The following INO80B variants were observed in gnomAD, a reference collection of about 807,000 sequenced individuals.
The protein encoded by INO80B is INO80 complex subunit B, also known as IES2 homolog.
INO80B carries 18 observed loss-of-function variants against 31.4 expected under a neutral mutation model. That is an observed-to-expected ratio of 0.57 (90% CI 0.40 to 0.85). The LOEUF is 0.85. Ranked by LOEUF, INO80B falls within the 40% of genes least tolerant of loss-of-function variation. The pLI, the probability that INO80B is intolerant of heterozygous loss-of-function variation, is 0.00. For missense variants in INO80B, 469 were observed against 475.4 expected, an observed-to-expected ratio of 0.99 and a Z score of 0.13; for synonymous variants, 238 against 199.0, an observed-to-expected ratio of 1.20 and a Z score of -1.65.
intron 1 of INO80B, 60 bp downstream of exon 1, chr2:74,455,234 C>A: frequency 6.3e-7 from 1 of 1,590,544 alleles, no homozygotes; most frequent in South Asian, 1.1e-5. Flanking sequence ...CGTTCTTGCT[C>A]CTCGGAGAGT....
Position 74,456,275 on chromosome 2 carries a change from A to T in INO80B, c.540+3A>T, listed in dbSNP as rs753932906. ...AGCGGCTGCTTACTGCTCGACAGGT[A>T]TGTTGGTTCATTGTTTATTCACTCA... On this transcript the variant is annotated splice_donor_region_variant and intron_variant, in intron 4 of 4. Coordinates refer to ENST00000233331, the MANE Select transcript of INO80B (RefSeq NM_031288.4). 6.2e-7 allele frequency: 1 copy of T among 1,614,004 alleles called. No individual in the cohort carries two copies. Among genetic ancestry groups the T allele is most frequent in the Non-Finnish European group, 8.5e-7 (1 of 1,179,968 alleles).
At position 74,456,135 on chromosome 2, in the gene INO80B, C is replaced by T. The variant is rs974808928; in HGVS notation, c.403C>T (p.Arg135Trp). ...EDSNLSPSPL[R>W]DLSGGLGGQE... Reference sequence around the variant, plus strand: ...CAGTAATCTCTCTCCCTCTCCACTTCGGGACCTATCAGGAGGGTTAGGGGG... The same window carrying T: ...CAGTAATCTCTCTCCCTCTCCACTTTGGGACCTATCAGGAGGGTTAGGGGG... The change falls in exon 4 of 5, where the codon CGG becomes TGG. Residue 135 changes from arginine (R) to tryptophan (W), a missense_variant. Arg to Trp is a moderately radical substitution (Grantham distance 101). Around this residue, in one of 3 missense-constraint regions of INO80B, gnomAD observed 223 missense variants for 253.4 expected, o/e 0.88. Coordinates refer to ENST00000233331, the MANE Select transcript of INO80B (RefSeq NM_031288.4). 10 of 1,606,342 alleles carry T rather than the reference C, an allele frequency of 6.2e-6. No homozygotes were observed. Among genetic ancestry groups the T allele is most frequent in the Admixed American group, 1.7e-5 (1 of 58,936 alleles).
Position 74,457,414 on chromosome 2 carries a change from C to T in INO80B, c.621C>T (p.Ala207=), listed in dbSNP as rs1671733342. 6.2e-7 allele frequency: 1 copy of T among 1,602,676 alleles called. No homozygotes were observed. Among genetic ancestry groups the T allele is most frequent in the Non-Finnish European group, 8.5e-7 (1 of 1,175,156 alleles). The change falls in exon 5 of 5, where the codon GCC becomes GCT. Residue 207 remains alanine, a synonymous_variant. Coordinates refer to ENST00000233331, the MANE Select transcript of INO80B (RefSeq NM_031288.4). Reference sequence around the variant, plus strand: ...TAGCTGAGGGCTGCCCACCTCCCGCCCTCACAGAGGAGATGCTGCTGAAGC... The same window carrying T: ...TAGCTGAGGGCTGCCCACCTCCCGCTCTCACAGAGGAGATGCTGCTGAAGC... ...LPVAEGCPPP[A]LTEEMLLKRE...
At position 74,455,111 on chromosome 2, in the gene INO80B, G is replaced by T; in HGVS notation, c.-6G>T. On this transcript the variant is annotated 5_prime_UTR_variant, in exon 1 of 5. Transcript: ENST00000233331. ...CATTTCTAGTCCCCTTTCCTCGCAG[G>T]ACCTCATGAGTAAGCTGTGGCGGCG... The T allele has an allele frequency of 6.2e-7, 1 of 1,614,176 alleles. No homozygotes were observed. Among genetic ancestry groups the T allele is most frequent in the Non-Finnish European group, 8.5e-7 (1 of 1,180,010 alleles).
intron 3 of INO80B, 81 bp from the exon 4 acceptor site, chr2:74,456,022 C>T (rs866286710): frequency 6.4e-7 from 1 of 1,554,164 alleles, no homozygotes; most frequent in Non-Finnish European, 8.9e-7. Flanking sequence ...TTAGGATTTT[C>T]CATGTCCCAG....
rs142472722 is a variant in INO80B at position 74,455,521 on chromosome 2, G to A, written c.174G>A (p.Gly58=). Residue 58 remains glycine, a synonymous_variant, in exon 2 of 5, where the codon GGG becomes GGA. Transcript: ENST00000233331. ...KKKHHQEEDA[G]PTQPSPAKPQ... The stretch of plus-strand genomic sequence containing the variant: ...AACACCATCAGGAAGAAGACGCCGG[G>A]CCCACGCAGCCGTCCCCTGCCAAGC... The A allele has an allele frequency of 4.3e-5, 69 of 1,614,028 alleles. No individual in the cohort carries two copies. Among genetic ancestry groups the A allele is most frequent in the South Asian group, 8.8e-5 (8 of 91,094 alleles).
At chr2:74,457,121 CAGG>C (rs1671725274) in intron 4 of INO80B, among the ~76,000 whole-genome samples, 2 of 152,172 alleles carry the variant, frequency 1.3e-5, no homozygotes, top group Admixed American at 6.5e-5. Flanking sequence ...AGCTAAATGT[CAGG>C]AGATCTGGGA....
At chr2:74,455,643 C>T (rs1572913060) in intron 2 of INO80B, 45 bp downstream of exon 2, 3 of 1,556,138 alleles carry the variant, frequency 1.9e-6, no homozygotes, top group Non-Finnish European at 1.7e-6. Flanking sequence ...ACTTTAGGAG[C>T]AGAGATAGTA....
Position 74,456,145 on chromosome 2 carries a change from C to A in INO80B, c.413C>A (p.Ser138Ter). ...TCTCCCTCTCCACTTCGGGACCTATCAGGAGGGTTAGGGGGTCAGGAGGAA... is the reference window on the plus strand; with the variant it reads ...TCTCCCTCTCCACTTCGGGACCTATAAGGAGGGTTAGGGGGTCAGGAGGAA... ...NLSPSPLRDL[S>*]GGLGGQEEEE... Residue 138 changes from serine to a stop codon, truncating the protein, a stop_gained, in exon 4 of 5, where the codon TCA (serine) becomes TAA (stop). Coordinates refer to ENST00000233331, the MANE Select transcript of INO80B (RefSeq NM_031288.4). LOFTEE classifies it high-confidence loss of function. The A allele has an allele frequency of 6.2e-7, 1 of 1,610,326 alleles. No homozygotes were observed. Among genetic ancestry groups the A allele is most frequent in the Non-Finnish European group, 8.5e-7 (1 of 1,178,124 alleles).
rs1671740466 is a variant in INO80B, at chr2:74,457,594, G to C, written c.801G>C (p.Ala267=). Residue 267 remains alanine (A), a synonymous_variant, in exon 5 of 5, where the codon GCG becomes GCC. Coordinates refer to ENST00000233331, the MANE Select transcript of INO80B (RefSeq NM_031288.4). ...GCGAGCGGCGGGGAGGGCGGGCTGC[G>C]GCTCCGGCCCCCATGGTGCGCTACT... The part of the protein sequence containing the change: ...ARGERRGGRA[A]APAPMVRYCS... 1.3e-6 allele frequency: 2 copies of C among 1,530,318 alleles called. No homozygotes were observed. Among genetic ancestry groups the C allele is most frequent in the Non-Finnish European group, 1.7e-6 (2 of 1,144,280 alleles). The allele number at this position is 1,530,318 out of a possible 1,614,324, so 94.8% of individuals were successfully genotyped here.
At chr2:74,457,236 C>A in intron 4 of INO80B, 98 bp from the exon 5 acceptor site, 1 of 1,301,212 alleles carries the variant, frequency 7.7e-7, no homozygotes, top group Non-Finnish European at 1.1e-6. Flanking sequence ...CAAGACCCTG[C>A]CTTCCATGTC....
At chr2:74,456,722 A>C (rs2103961278) in intron 4 of INO80B, among the ~76,000 whole-genome samples, 1 of 152,400 alleles carries the variant, frequency 6.6e-6, no homozygotes, top group Non-Finnish European at 1.5e-5. Context: ...TACTTGGTTT[A>C]CATTTCAATA....
At chr2:74,456,015 G>C (rs1281462769) in intron 3 of INO80B, 79 bp downstream of exon 3, 1 of 1,555,208 alleles carries the variant, frequency 6.4e-7, no homozygotes, top group Non-Finnish European at 8.9e-7. Context: ...AAATGGGTTA[G>C]GATTTTCCAT....
At chr2:74,455,750 G>A in intron 2 of INO80B, 68 bp from the exon 3 acceptor site, 1 of 1,402,930 alleles carries the variant, frequency 7.1e-7, no homozygotes. Context: ...GGGGAAAGTT[G>A]GGTGTAGCTA....
intron 2 of INO80B, 41 bp from the exon 3 acceptor site, chr2:74,455,777 G>C (rs1431385533): frequency 6.8e-7 from 1 of 1,475,030 alleles, no homozygotes; most frequent in East Asian, 2.3e-5. Flanking sequence ...AGGAGGAGGA[G>C]ACGCTTGCTC....
chr2:74,455,146 C>G lies in INO80B; in HGVS notation c.30C>G (p.Thr10=). The change falls in exon 1 of 5, where the codon ACC becomes ACG. Residue 10 remains threonine (T), a synonymous_variant. Coordinates refer to ENST00000233331, the MANE Select transcript of INO80B (RefSeq NM_031288.4). MSKLWRRGS[T]SGAMEAPEPG... is the part of the protein sequence containing the mutation. ...GTAAGCTGTGGCGGCGTGGGAGCAC[C>G]TCTGGGGCTATGGAGGCCCCTGAGC... The G allele has an allele frequency of 6.2e-7, 1 of 1,614,238 alleles. No individual in the cohort carries two copies. The highest frequency in any genetic ancestry group is 8.5e-7 in the Non-Finnish European group (1 of 1,180,042).
In INO80B at chr2:74,455,423, A is replaced by T; in HGVS notation, c.76A>T (p.Ser26Cys). Reference sequence around the variant, plus strand: ...TTCCACAGGAGAAGCCCTGGAGTTGAGCCTGGCGGGTGCCCATGGCCATGG... The same window carrying T: ...TTCCACAGGAGAAGCCCTGGAGTTGTGCCTGGCGGGTGCCCATGGCCATGG... Reference protein sequence around the residue: ...APEPGEALELSLAGAHGHGVH... With the variant: ...APEPGEALELCLAGAHGHGVH... Residue 26 changes from serine to cysteine, a missense_variant, in exon 2 of 5, where the codon AGC becomes TGC. Coordinates refer to ENST00000233331, the MANE Select transcript of INO80B (RefSeq NM_031288.4). 6.2e-7 allele frequency: 1 copy of T among 1,614,144 alleles called. No individual in the cohort carries two copies. Among genetic ancestry groups the T allele is most frequent in the Non-Finnish European group, 8.5e-7 (1 of 1,180,028 alleles).
chr2:74,457,182 G>A (rs1572914126), intron 4 of INO80B, 152 bp from the exon 5 acceptor site: 7 of 687,828 alleles, frequency 1.0e-5, no homozygotes, highest in Non-Finnish European at 1.6e-5. Flanking sequence ...TCCTGGAGAG[G>A]GTGCTCATTA....
intron 4 of INO80B, 107 bp downstream of exon 4, chr2:74,456,379 GAC>G: frequency 8.7e-7 from 1 of 1,147,166 alleles, no homozygotes; most frequent in Non-Finnish European, 1.3e-6. Flanking sequence ...GTAGAGAAAA[GAC>G]AAAGTTTCTG....
Sources: gnomAD v4.1 joint callset for allele counts (sites outside exome capture counted in the v4.1 genomes callset) on GRCh38, gnomAD v4.1.1 for gene constraint, gnomAD v4.1.1 regional missense constraint, MANE v1.5 for transcripts, NCBI Gene and HGNC (gene_info 2026-07-23, HGNC 2026-07-21) for gene names.